Variants in ARL15 observed in about 807,000 individuals in gnomAD.
The protein encoded by ARL15 is ADP-ribosylation factor-like protein 15.
ARL15 carries 19 observed loss-of-function variants against 25.2 expected under a neutral mutation model. That is an observed-to-expected ratio of 0.75 (90% CI 0.53 to 1.10). The LOEUF is 1.10. Ranked by LOEUF, ARL15 falls within the 50% of genes least tolerant of loss-of-function variation. The pLI is 0.00. For synonymous variants in ARL15, 94 were observed against 86.8 expected (o/e 1.08, Z -0.46); for missense variants, 220 against 246.0 (o/e 0.89, Z 0.71).
intron 3 of ARL15, among the ~76,000 whole-genome samples, chr5:54,134,221 T>G (rs2112286877): frequency 6.6e-6 from 1 of 152,326 alleles, no homozygotes; most frequent in East Asian, 1.9e-4. Context: ...AATTCTCAGC[T>G]CCTTTTGGAC....
chr5:53,887,498 T>C, intron 4 of ARL15: 1 of 624,224 alleles, frequency 1.6e-6, no homozygotes, highest in Non-Finnish European at 2.9e-6. Context: ...TAACGGCATT[T>C]AGTATTACCA....
At chr5:54,063,576 A>C in intron 4 of ARL15, among the ~76,000 whole-genome samples, 1 of 152,158 alleles carries the variant, frequency 6.6e-6, no homozygotes, top group East Asian at 1.9e-4. Context: ...TACTACTTTG[A>C]CTTTGGTGTT....
intron 4 of ARL15, among the ~76,000 whole-genome samples, chr5:53,960,704 C>T (rs1301558729): frequency 1.3e-5 from 2 of 152,210 alleles, no homozygotes; most frequent in African/African-American, 4.8e-5. Flanking sequence ...AGCCACTTCA[C>T]CTCTTTGTGG....
At chr5:54,156,473 ATTGATGCT>A (rs1490486924) in intron 2 of ARL15, among the ~76,000 whole-genome samples, 2 of 152,198 alleles carry the variant, frequency 1.3e-5, no homozygotes, top group African/African-American at 4.8e-5. Context: ...TTATGTTTCC[ATTGATGCT>A]TTTTCGTTGA....
At chr5:53,912,685 C>T (rs1265777076) in intron 4 of ARL15, among the ~76,000 whole-genome samples, 1 of 152,138 alleles carries the variant, frequency 6.6e-6, no homozygotes, top group African/African-American at 2.4e-5. Context: ...TGGTGGCTTC[C>T]CACATATCAT....
At chr5:54,032,450 G>T (rs1015049238) in intron 4 of ARL15, among the ~76,000 whole-genome samples, 1 of 152,064 alleles carries the variant, frequency 6.6e-6, no homozygotes. Context: ...GGCCAGGCTG[G>T]TCTCAAACTC....
chr5:54,211,728 T>A (rs1239447230), intron 1 of ARL15, among the ~76,000 whole-genome samples: 5 of 152,052 alleles, frequency 3.3e-5, no homozygotes, highest in Non-Finnish European at 7.4e-5. Context: ...CGCCTCAGTC[T>A]CCCAAAGTGC....
chr5:54,183,740 C>A (rs1291980263), intron 1 of ARL15, among the ~76,000 whole-genome samples: 3 of 149,996 alleles, frequency 2.0e-5, no homozygotes, highest in Non-Finnish European at 3.0e-5. Flanking sequence ...CCCAGCCATC[C>A]CATTACTGGG....
chr5:53,993,133 A>G (rs1748561131), intron 4 of ARL15, among the ~76,000 whole-genome samples: 1 of 152,220 alleles, frequency 6.6e-6, no homozygotes, highest in African/African-American at 2.4e-5. Context: ...TGTTAAGTAG[A>G]AATGTGTCAT....
chr5:53,965,187 C>T (rs1747508658), intron 4 of ARL15, among the ~76,000 whole-genome samples: 1 of 152,102 alleles, frequency 6.6e-6, no homozygotes, highest in African/African-American at 2.4e-5. Context: ...TTCTTTCTTC[C>T]GGACCTTGCA....
At chr5:53,930,081 T>C (rs1225071737) in intron 4 of ARL15, among the ~76,000 whole-genome samples, 32 of 152,158 alleles carry the variant, frequency 2.1e-4, no homozygotes, top group Admixed American at 2.0e-3. Flanking sequence ...TAAACAAAGA[T>C]GGATTACCAG....
intron 4 of ARL15, among the ~76,000 whole-genome samples, chr5:54,076,420 CAAGAAAAAAAAAAAGAAA>C (rs1022596506): frequency 3.0e-4 from 36 of 120,998 alleles, no homozygotes; most frequent in East Asian, 1.4e-3. Flanking sequence ...GACTCCGTCT[CAAGAAAAAAAAAAAGAAA>C]AAGAAAAAAA....
chr5:54,202,826 A>G (rs772129032), intron 1 of ARL15, among the ~76,000 whole-genome samples: 6 of 152,088 alleles, frequency 3.9e-5, no homozygotes, highest in Non-Finnish European at 8.8e-5. Context: ...AAGGTTTCCT[A>G]AAGTCAAATT....
chr5:53,951,479 ATAT>A, intron 4 of ARL15: 1 of 470,304 alleles, frequency 2.1e-6, no homozygotes, highest in Non-Finnish European at 4.4e-6. Flanking sequence ...ACTCAAACAG[ATAT>A]TTTGTGGACT....
intron 4 of ARL15, among the ~76,000 whole-genome samples, chr5:53,948,701 A>ATT (rs1437565299): frequency 2.0e-5 from 3 of 152,230 alleles, no homozygotes; most frequent in Non-Finnish European, 2.9e-5. Flanking sequence ...GATATATTTT[A>ATT]ACACTTTTCA....
rs1363836 is a variant in ARL15 at position 53,924,017 on chromosome 5, G to A, written c.463-37304C>T. 2.6e-5 allele frequency among the ~76,000 whole-genome samples: 4 copies of A among 152,202 alleles called. No individual in the cohort carries two copies. The East Asian group carries it at 5.8e-4, about 22-fold the overall frequency. On this transcript the variant is annotated intron_variant, in intron 4 of 4. Transcript: ENST00000504924. ...AAAATTTTCAATTAGAAAGCAGAAC[G>A]TTGAAGATAAATGAGACATGACTAT...
chr5:54,287,253 G>C (rs250385), intron 1 of ARL15, among the ~76,000 whole-genome samples: 4,251 of 152,062 alleles, frequency 0.028, 80 homozygotes, highest in Middle Eastern at 0.061. Flanking sequence ...CCAAACCCTA[G>C]CATCAGTGAT....
At chr5:54,202,309 T>C (rs947574408) in intron 1 of ARL15, among the ~76,000 whole-genome samples, 4 of 152,180 alleles carry the variant, frequency 2.6e-5, no homozygotes, top group African/African-American at 9.7e-5. Context: ...AGGTTACTAA[T>C]CAGCCGACCT....
chr5:54,099,384 A>G (rs936795744), intron 4 of ARL15, among the ~76,000 whole-genome samples: 1 of 152,164 alleles, frequency 6.6e-6, no homozygotes, highest in Non-Finnish European at 1.5e-5. Flanking sequence ...TTTATCGGCT[A>G]ATGATTAAAA....
Sources: allele counts gnomAD v4.1 joint callset (sites outside exome capture counted in the v4.1 genomes callset), GRCh38; gene constraint gnomAD v4.1.1; transcripts MANE v1.5; gene names NCBI Gene and HGNC (gene_info 2026-07-23, HGNC 2026-07-21).